Variants in RIMS2 observed in about 807,000 individuals in gnomAD.
RIMS2 encodes regulating synaptic membrane exocytosis protein 2.
A neutral mutation model predicts 174.4 loss-of-function variants in RIMS2; 59 were observed. The observed-to-expected ratio is 0.34, with a 90% confidence interval of 0.27 to 0.42. RIMS2 has a LOEUF of 0.42. Among genes scored for constraint, RIMS2 ranks in the 10% least tolerant of loss-of-function variants. RIMS2 has a pLI of 1.00. For synonymous variants in RIMS2, 606 were observed against 572.5 expected, an observed-to-expected ratio of 1.06 and a Z score of -0.84; for missense variants, 1,620 against 1,666.3, an observed-to-expected ratio of 0.97 and a Z score of 0.48.
chr8:103,832,932 A>T (rs750255650), intron 3 of RIMS2, among the ~76,000 whole-genome samples: 3 of 150,940 alleles, frequency 2.0e-5, no homozygotes, highest in Admixed American at 6.6e-5. Flanking sequence ...TTTTACATTT[A>T]TTCACATATT....
intron 1 of RIMS2, among the ~76,000 whole-genome samples, chr8:103,612,813 G>T (rs1451277098): frequency 6.6e-6 from 1 of 152,014 alleles, no homozygotes; most frequent in African/African-American, 2.4e-5. Context: ...CTCATGATCC[G>T]CCTGCCTCAG....
intron 14 of RIMS2, among the ~76,000 whole-genome samples, chr8:103,944,281 A>G (rs923136342): frequency 1.3e-5 from 2 of 152,088 alleles, no homozygotes; most frequent in Non-Finnish European, 2.9e-5. Context: ...TTACATTACA[A>G]TGAATTGTAT....
chr8:103,782,075 G>A (rs1326668244), intron 3 of RIMS2, among the ~76,000 whole-genome samples: 2 of 150,298 alleles, frequency 1.3e-5, no homozygotes, highest in East Asian at 3.9e-4. Context: ...TATATTTACT[G>A]CATACTCCAG....
intron 1 of RIMS2, among the ~76,000 whole-genome samples, chr8:103,548,763 G>T (rs1846242535): frequency 6.6e-6 from 1 of 152,010 alleles, no homozygotes; most frequent in African/African-American, 2.4e-5. Context: ...TCTATACCTA[G>T]AAAACACCAT....
At chr8:103,547,584 A>G (rs1264097057) in intron 1 of RIMS2, among the ~76,000 whole-genome samples, 2 of 152,188 alleles carry the variant, frequency 1.3e-5, no homozygotes, top group Non-Finnish European at 2.9e-5. Flanking sequence ...ACAGCCTAAC[A>G]TCATAGCGAG....
At chr8:103,980,002 A>G (rs542413473) in intron 16 of RIMS2, among the ~76,000 whole-genome samples, 1 of 152,170 alleles carries the variant, frequency 6.6e-6, no homozygotes, top group South Asian at 2.1e-4. Flanking sequence ...TAAACTGGAA[A>G]GGACACAAGG....
At chr8:103,557,200 T>C (rs897840883) in intron 1 of RIMS2, among the ~76,000 whole-genome samples, 2 of 152,234 alleles carry the variant, frequency 1.3e-5, no homozygotes, top group Non-Finnish European at 2.9e-5. Context: ...TTTTTACTCA[T>C]ATTACTGATC....
chr8:104,213,401 T>C (rs2099114150), intron 19 of RIMS2, among the ~76,000 whole-genome samples: 1 of 152,218 alleles, frequency 6.6e-6, no homozygotes, highest in Non-Finnish European at 1.5e-5. Flanking sequence ...TTTTCTTTCA[T>C]GGTACTTAAC....
In RIMS2 at chr8:103,545,524, A is replaced by C. The variant is rs140470788; in HGVS notation, c.176+44462A>C. Among the ~76,000 whole-genome samples the C allele has an allele frequency of 6.1e-3, 935 of 152,348 alleles. 11 individuals carry two copies. Among genetic ancestry groups the C allele is most frequent in the African/African-American group, 0.021 (885 of 41,584 alleles). The stretch of plus-strand genomic sequence containing the variant: ...ACATTGACATCCAGGAAATGTAGAG[A>C]ATCCCTGTGAGATACTATACAAGAT... On this transcript the variant is annotated intron_variant, in intron 1 of 23. Coordinates refer to ENST00000504942, the Ensembl canonical transcript of RIMS2.
chr8:104,155,172 T>A (rs2098714119), intron 19 of RIMS2, among the ~76,000 whole-genome samples: 2 of 152,048 alleles, frequency 1.3e-5, no homozygotes, highest in African/African-American at 4.8e-5. Flanking sequence ...AGTAGTGCGA[T>A]CTCACCTCAC....
intron 19 of RIMS2, among the ~76,000 whole-genome samples, chr8:104,145,580 C>G (rs543621028): frequency 6.6e-6 from 1 of 151,748 alleles, no homozygotes; most frequent in East Asian, 1.9e-4. Context: ...AATCCCAGCT[C>G]TTTGGGAGAC....
chr8:104,117,391 T>C (rs2098295754), intron 19 of RIMS2, among the ~76,000 whole-genome samples: 1 of 143,500 alleles, frequency 7.0e-6, no homozygotes. Context: ...ATAAATTTCC[T>C]TTTTTTTTTT....
intron 1 of RIMS2, among the ~76,000 whole-genome samples, chr8:103,608,884 C>G (rs987395185): frequency 2.0e-5 from 3 of 152,218 alleles, no homozygotes; most frequent in Non-Finnish European, 4.4e-5. Flanking sequence ...GACCTGCGCC[C>G]ACTGTCTGGC....
intron 2 of RIMS2, among the ~76,000 whole-genome samples, chr8:103,701,440 CT>C (rs1402474132): frequency 6.6e-6 from 1 of 152,098 alleles, no homozygotes; most frequent in African/African-American, 2.4e-5. Context: ...CATCCCAAAT[CT>C]TTTCTCCCAG....
At chr8:104,251,934 T>C, downstream of RIMS2, 2 of 677,394 alleles carry the variant, frequency 3.0e-6, no homozygotes, top group Admixed American at 5.4e-5. Flanking sequence ...TCTGAGCCTG[T>C]TTCTAGGGAT....
chr8:104,023,930 G>T (rs2096180032), intron 19 of RIMS2, among the ~76,000 whole-genome samples: 1 of 152,112 alleles, frequency 6.6e-6, no homozygotes. Flanking sequence ...TTGAAGGAGA[G>T]AATTTATCAA....
At chr8:103,582,052 A>T (rs2093650237) in intron 1 of RIMS2, among the ~76,000 whole-genome samples, 1 of 152,108 alleles carries the variant, frequency 6.6e-6, no homozygotes, top group Non-Finnish European at 1.5e-5. Context: ...GAGGAGAGGG[A>T]AGAGTGGGGA....
At chr8:103,661,629 G>A (rs10105191) in intron 1 of RIMS2, among the ~76,000 whole-genome samples, 26,738 of 151,920 alleles carry the variant, frequency 0.18, 2,556 homozygotes, top group African/African-American at 0.23. Flanking sequence ...TCAGCCTCCC[G>A]AGTAGCTGGG....
chr8:104,017,085 A>T (rs1286473933), intron 19 of RIMS2, among the ~76,000 whole-genome samples: 1 of 151,912 alleles, frequency 6.6e-6, no homozygotes, highest in Non-Finnish European at 1.5e-5. Flanking sequence ...GATTTTTTAA[A>T]GTGTTTTTAT....
Sources: gnomAD v4.1 joint callset for allele counts (sites outside exome capture counted in the v4.1 genomes callset) on GRCh38, gnomAD v4.1.1 for gene constraint, MANE v1.5 for transcripts, NCBI Gene and HGNC (gene_info 2026-07-23, HGNC 2026-07-21) for gene names.